SLC24A3: variants seen among roughly 807,000 people sequenced by gnomAD.
The protein encoded by SLC24A3 is sodium/potassium/calcium exchanger 3.
Under a neutral mutation model 75.8 loss-of-function variants are expected in SLC24A3, and 28 were observed. The observed-to-expected ratio is 0.37, with a 90% CI of 0.27 to 0.51. The LOEUF (loss-of-function observed/expected upper bound fraction) is 0.51. Among genes scored for constraint, SLC24A3 ranks in the 20% least tolerant of loss-of-function variants. The pLI, the probability that SLC24A3 is intolerant of heterozygous loss-of-function variation, is 0.94. For synonymous variants in SLC24A3, 372 were observed against 334.1 expected, an observed-to-expected ratio of 1.11 and a Z score of -1.24; for missense variants, 663 against 847.8, an observed-to-expected ratio of 0.78 and a Z score of 2.71.
intron 1 of SLC24A3, among the ~76,000 whole-genome samples, chr20:19,274,148 T>C (rs1027743280): frequency 6.6e-5 from 10 of 151,284 alleles, no homozygotes; most frequent in Non-Finnish European, 1.3e-4. Context: ...GCCTTGACAC[T>C]GGTGAGAAAT....
chr20:19,558,310 AC>A (rs1389349841), intron 3 of SLC24A3, among the ~76,000 whole-genome samples: 3 of 152,082 alleles, frequency 2.0e-5, no homozygotes, highest in Non-Finnish European at 4.4e-5. Context: ...GGTGTAAGAA[AC>A]TTTTTATTTT....
In SLC24A3 at chr20:19,561,930, C is replaced by T. The variant is rs368804708; in HGVS notation, c.349-18070C>T. The stretch of plus-strand genomic sequence containing the variant: ...CTGACTTATTTACATCTGGGCAGAG[C>T]AAGGGTAACCAGCTAGCAAATTTCT... On this transcript the variant is annotated intron_variant, in intron 3 of 16. Transcript: ENST00000328041. 4.6e-4 allele frequency among the ~76,000 whole-genome samples: 70 copies of T among 152,262 alleles called. No homozygotes were observed. In the Middle Eastern group the frequency reaches 0.01, roughly 22 times the overall value.
At chr20:19,245,127 C>T (rs1982448949) in intron 1 of SLC24A3, among the ~76,000 whole-genome samples, 1 of 152,040 alleles carries the variant, frequency 6.6e-6, no homozygotes, top group African/African-American at 2.4e-5. Flanking sequence ...GATCTGGGCT[C>T]TAGGTGGGGC....
At chr20:19,385,488 T>C (rs1374393399) in intron 2 of SLC24A3, among the ~76,000 whole-genome samples, 1 of 152,236 alleles carries the variant, frequency 6.6e-6, no homozygotes, top group Non-Finnish European at 1.5e-5. Flanking sequence ...TTCTGTTCCA[T>C]TGACCTGTGT....
At chr20:19,711,331 G>GCACA (rs1295424629) in intron 15 of SLC24A3, among the ~76,000 whole-genome samples, 1 of 146,480 alleles carries the variant, frequency 6.8e-6, no homozygotes, top group Admixed American at 6.8e-5. Flanking sequence ...ACACATGCAT[G>GCACA]CACACGTGCA....
At chr20:19,383,805 G>T (rs1986224830) in intron 2 of SLC24A3, among the ~76,000 whole-genome samples, 1 of 152,096 alleles carries the variant, frequency 6.6e-6, no homozygotes, top group African/African-American at 2.4e-5. Flanking sequence ...GATGGGAGAG[G>T]CAAGGGAGAC....
At chr20:19,298,384 G>T (rs760233759) in intron 2 of SLC24A3, among the ~76,000 whole-genome samples, 1 of 152,134 alleles carries the variant, frequency 6.6e-6, no homozygotes, top group Admixed American at 6.5e-5. Context: ...GTTGATTTGG[G>T]GTGGATAACT....
At chr20:19,426,905 G>A (rs1289138800) in intron 2 of SLC24A3, among the ~76,000 whole-genome samples, 1 of 136,600 alleles carries the variant, frequency 7.3e-6, no homozygotes, top group African/African-American at 2.5e-5. Context: ...TTGGACATGA[G>A]CAGCAAGGGC....
At position 19,567,201 on chromosome 20, in the gene SLC24A3, A is replaced by AATAT. The variant is rs112824176; in HGVS notation, c.349-12797_349-12794dup. 1.9e-4 allele frequency among the ~76,000 whole-genome samples: 29 copies of AATAT among 152,328 alleles called. 1 individual carries two copies. Among genetic ancestry groups the AATAT allele is most frequent in the African/African-American group, 6.7e-4 (28 of 41,562 alleles). On this transcript the variant is annotated intron_variant, in intron 3 of 16. Coordinates refer to ENST00000328041, the MANE Select transcript of SLC24A3 (RefSeq NM_020689.4). ...GAATAGTTCACAAGTGGTCCAAAAGAATATAAATCGTTCTACCATAAAGAC... is the reference window on the plus strand; with the variant it reads ...GAATAGTTCACAAGTGGTCCAAAAGAATATATATAAATCGTTCTACCATAAAGAC...
In SLC24A3 at chr20:19,212,896, C is replaced by T. The variant is rs372776292; in HGVS notation, c.54C>T (p.Arg18=). Residue 18 remains arginine, a synonymous_variant, in exon 1 of 17, where the codon CGC becomes CGT. Transcript: ENST00000328041. ...DRARRRRRRR[R]RRDLLLSQLC... ...CGCGTCGCCGCCGCCGCCGCCGCCG[C>T]CGGAGGGACCTTCTGCTGAGCCAGC... is the stretch of plus-strand genomic sequence containing the variant. 2.0e-4 allele frequency: 259 copies of T among 1,320,588 alleles called. 1 individual carries two copies. In the African/African-American group the frequency reaches 3.6e-3, roughly 18 times the overall value. The allele number at this position is 1,320,588 out of a possible 1,614,324, so 81.8% of individuals were successfully genotyped here. A position where few individuals can be genotyped will look rare whatever the true frequency, so the allele number is the denominator to read the frequency against.
At chr20:19,676,295 C>T (rs547777528) in intron 9 of SLC24A3, among the ~76,000 whole-genome samples, 52 of 152,266 alleles carry the variant, frequency 3.4e-4, no homozygotes, top group African/African-American at 1.2e-3. Flanking sequence ...TTCCCCAAAC[C>T]GTACCAAATG....
chr20:19,222,783 CCCTTCCTTCCTT>C (rs71198012), intron 1 of SLC24A3, among the ~76,000 whole-genome samples: 3 of 75,804 alleles, frequency 4.0e-5, no homozygotes, highest in Non-Finnish European at 7.4e-5. Context: ...TCCCCTCCCT[CCCTTCCTTCCTT>C]CCTTCCTTCC....
chr20:19,423,131 A>G (rs2122439465), intron 2 of SLC24A3, among the ~76,000 whole-genome samples: 1 of 152,336 alleles, frequency 6.6e-6, no homozygotes, highest in South Asian at 2.1e-4. Context: ...CCCCGCATCC[A>G]GCCGGTCTGG....
At position 19,245,685 on chromosome 20, in the gene SLC24A3, G is replaced by T. The variant is rs370449151; in HGVS notation, c.142+32701G>T. ...AGGTTGGATATTACTATCCAATAAA[G>T]TTGATTTAAGAGCAAAACATTATTA... On this transcript the variant is annotated intron_variant, in intron 1 of 16. Coordinates refer to ENST00000328041, the MANE Select transcript of SLC24A3 (RefSeq NM_020689.4). Among the ~76,000 whole-genome samples, 311 of 152,230 alleles carry T rather than the reference G, an allele frequency of 2.0e-3. 8 individuals are homozygous for T. The South Asian group carries it at 0.058, about 28-fold the overall frequency.
At chr20:19,719,863 A>G (rs1426871065) in intron 16 of SLC24A3, among the ~76,000 whole-genome samples, 1 of 152,168 alleles carries the variant, frequency 6.6e-6, no homozygotes, top group East Asian at 1.9e-4. Flanking sequence ...GAGTGACTCC[A>G]GCGAGTGTGG....
chr20:19,564,841 C>A (rs981525818), intron 3 of SLC24A3, among the ~76,000 whole-genome samples: 1 of 152,214 alleles, frequency 6.6e-6, no homozygotes, highest in African/African-American at 2.4e-5. Flanking sequence ...GGTATCAATT[C>A]TTCCAGATAA....
intron 2 of SLC24A3, among the ~76,000 whole-genome samples, chr20:19,325,876 T>A (rs1337872745): frequency 1.4e-5 from 2 of 140,380 alleles, no homozygotes; most frequent in African/African-American, 5.2e-5. Context: ...AATCTAAACA[T>A]GAAATTTATT....
intron 3 of SLC24A3, among the ~76,000 whole-genome samples, chr20:19,566,180 A>G (rs2030955301): frequency 6.6e-6 from 1 of 152,248 alleles, no homozygotes; most frequent in Non-Finnish European, 1.5e-5. Context: ...AGGCAGCAGC[A>G]AGGGAGAAGG....
chr20:19,266,897 T>C (rs1370320102), intron 1 of SLC24A3, among the ~76,000 whole-genome samples: 2 of 152,154 alleles, frequency 1.3e-5, no homozygotes, highest in East Asian at 1.9e-4. Flanking sequence ...TAATGAGATA[T>C]TATTTTTAAG....
Sources: gnomAD v4.1 joint callset for allele counts (sites outside exome capture counted in the v4.1 genomes callset) on GRCh38, gnomAD v4.1.1 for gene constraint, MANE v1.5 for transcripts, NCBI Gene and HGNC (gene_info 2026-07-23, HGNC 2026-07-21) for gene names.